The following AKR1C3 variants were observed in gnomAD, a reference collection of about 807,000 sequenced individuals.
The protein encoded by AKR1C3 is aldo-keto reductase family 1 member C3, also known as 3-alpha hydroxysteroid dehydrogenase, type II.
A neutral mutation model predicts 43.6 loss-of-function variants in AKR1C3; 48 were observed. That is an observed-to-expected ratio of 1.10 (90% confidence interval 0.87 to 1.40). AKR1C3 has a LOEUF of 1.40. AKR1C3 is among the 40% of genes most tolerant of loss of function. AKR1C3 has a pLI of 0.00. For missense variants in AKR1C3, 482 were observed against 391.2 expected (o/e 1.23, Z -1.96); for synonymous variants, 162 against 139.6 (o/e 1.16, Z -1.13).
At chr10:5,057,817 A>G (rs1490974292) in intron 1 of AKR1C3, among the ~76,000 whole-genome samples, 2 of 152,066 alleles carry the variant, frequency 1.3e-5, no homozygotes, top group Admixed American at 1.3e-4. Flanking sequence ...ACATATCTCC[A>G]AACTCTCGGG....
At chr10:5,075,650 G>T (rs150090738) in intron 1 of AKR1C3, among the ~76,000 whole-genome samples, 9 of 152,178 alleles carry the variant, frequency 5.9e-5, no homozygotes, top group Admixed American at 5.9e-4. Flanking sequence ...TGAGGTGGGC[G>T]AATCACCTGA....
intron 1 of AKR1C3, among the ~76,000 whole-genome samples, chr10:5,088,985 T>C (rs1400309769): frequency 6.6e-6 from 1 of 152,038 alleles, no homozygotes; most frequent in Non-Finnish European, 1.5e-5. Flanking sequence ...GAAGGGCTAG[T>C]CTAGTGGTGA....
rs370755464 is a variant in AKR1C3, at chr10:5,099,477, C to T, written c.570+28C>T. On this transcript the variant is annotated intron_variant, in intron 5 of 8. Transcript: ENST00000380554. ...GAGCTCCCTTGGCCTTCTCTCCTTT[C>T]GGTTCTTCATGCCCCCTCTTCCTGT... The T allele has an allele frequency of 1.2e-3, 2,001 of 1,614,000 alleles. 17 individuals carry two copies. In the South Asian group the frequency reaches 0.018, roughly 14 times the overall value.
intron 1 of AKR1C3, among the ~76,000 whole-genome samples, chr10:5,058,100 A>G (rs930072987): frequency 1.3e-5 from 2 of 151,872 alleles, no homozygotes. Flanking sequence ...GGTCCTTTGG[A>G]GATTTCTTTG....
chr10:5,050,972 T>C (rs1554778864), intron 1 of AKR1C3, among the ~76,000 whole-genome samples: 1 of 152,256 alleles, frequency 6.6e-6, no homozygotes, highest in African/African-American at 2.4e-5. Context: ...TTCTTCAAAG[T>C]AGGGCAGAAA....
intron 1 of AKR1C3, among the ~76,000 whole-genome samples, chr10:5,066,731 A>G (rs782163923): frequency 4.6e-5 from 7 of 152,190 alleles, no homozygotes; most frequent in Non-Finnish European, 7.3e-5. Context: ...CCTTCACTGA[A>G]TTTCCATAAT....
chr10:5,073,428 G>A (rs1000544125), intron 1 of AKR1C3, among the ~76,000 whole-genome samples: 3 of 152,120 alleles, frequency 2.0e-5, no homozygotes, highest in African/African-American at 7.2e-5. Context: ...GATCCCCATA[G>A]GCCCATAATT....
intron 1 of AKR1C3, among the ~76,000 whole-genome samples, chr10:5,050,177 G>A (rs1838124598): frequency 6.6e-6 from 1 of 152,186 alleles, no homozygotes; most frequent in Non-Finnish European, 1.5e-5. Flanking sequence ...TGTCAATTCG[G>A]TGTCTTTACT....
Position 5,107,454 on chromosome 10 carries a change from T to G in AKR1C3, c.930-7T>G. The G allele has an allele frequency of 6.4e-7, 1 of 1,552,814 alleles. No individual in the cohort carries two copies. The highest frequency in any genetic ancestry group is 8.9e-7 in the Non-Finnish European group (1 of 1,124,568). On this transcript the variant is annotated splice_polypyrimidine_tract_variant and splice_region_variant and intron_variant, in intron 8 of 8. Coordinates refer to ENST00000380554, the MANE Select transcript of AKR1C3 (RefSeq NM_003739.6). Reference sequence around the variant, plus strand: ...TGCATTTATATTATACATTATTCTCTTTTCAGTTTTGCTAGCCACCCTAAT... The same window carrying G: ...TGCATTTATATTATACATTATTCTCGTTTCAGTTTTGCTAGCCACCCTAAT...
At chr10:5,054,729 G>T (rs1345669085) in intron 1 of AKR1C3, among the ~76,000 whole-genome samples, 1 of 151,496 alleles carries the variant, frequency 6.6e-6, no homozygotes, top group East Asian at 1.9e-4. Flanking sequence ...CTTTGACTCT[G>T]TTTCCTCTCT....
chr10:5,098,244 C>A, intron 3 of AKR1C3: 1 of 942,614 alleles, frequency 1.1e-6, no homozygotes, highest in Non-Finnish European at 1.3e-6. Context: ...ATTCTTATCT[C>A]TAAACTCCAA....
chr10:5,063,783 A>AAAAAAAAAAAAAAAAAAG (rs1838433987), intron 1 of AKR1C3, among the ~76,000 whole-genome samples: 1 of 147,346 alleles, frequency 6.8e-6, no homozygotes, highest in Non-Finnish European at 1.5e-5. Context: ...AAAAAAAAAA[A>AAAAAAAAAAAAAAAAAAG]AAAAAAGGAA....
intron 1 of AKR1C3, among the ~76,000 whole-genome samples, chr10:5,075,964 T>G (rs1410402045): frequency 2.6e-5 from 4 of 152,122 alleles, no homozygotes; most frequent in African/African-American, 9.7e-5. Flanking sequence ...CACAGGTTGC[T>G]GGGGCTAAGA....
rs587746088 is a variant in AKR1C3 at position 5,105,758 on chromosome 10, C to G, written c.929+81C>G. The G allele has an allele frequency of 1.2e-4, 136 of 1,100,074 alleles. 1 individual carries two copies. The African/African-American group carries it at 1.8e-3, about 15-fold the overall frequency. The allele number at this position is 1,100,074 out of a possible 1,614,324, so 68.1% of individuals were successfully genotyped here. ...ATGGGTGTTGAGAGTGACCTCCATA[C>G]CAGAGGGACAGAGGCCAATGTGAGT... On this transcript the variant is annotated intron_variant, in intron 8 of 8. Coordinates refer to ENST00000380554, the MANE Select transcript of AKR1C3 (RefSeq NM_003739.6).
rs553305556 is a variant in AKR1C3, at chr10:5,082,090, T to C, written c.85-14320T>C. ...ATTCTCTGGATGATTCTGCCTTAAA[T>C]AGAGGGAGTTTTACTGTCTAGATTG... On this transcript the variant is annotated intron_variant, in intron 1 of 8. Transcript: ENST00000439082. Among the ~76,000 whole-genome samples the C allele has an allele frequency of 5.7e-4, 87 of 152,274 alleles. No homozygotes were observed. In the South Asian group the frequency reaches 0.018, roughly 31 times the overall value.
At chr10:5,081,890 G>C (rs1554782388) in intron 1 of AKR1C3, 1 of 152,188 alleles carries the variant, frequency 6.6e-6, no homozygotes, top group South Asian at 2.1e-4. Context: ...AAACCAGTGA[G>C]CTCCTGATTT....
intron 1 of AKR1C3, among the ~76,000 whole-genome samples, chr10:5,059,964 G>T (rs1554780045): frequency 1.3e-5 from 2 of 152,094 alleles, no homozygotes; most frequent in African/African-American, 4.8e-5. Flanking sequence ...CTGATGTTTG[G>T]ATGTGTTTGG....
intron 1 of AKR1C3, among the ~76,000 whole-genome samples, chr10:5,087,657 G>T (rs1839000341): frequency 6.6e-6 from 1 of 151,972 alleles, no homozygotes; most frequent in South Asian, 2.1e-4. Flanking sequence ...ACAGACGTAA[G>T]CCACTTTGTC....
At chr10:5,064,526 C>G (rs1838454431) in intron 1 of AKR1C3, among the ~76,000 whole-genome samples, 1 of 152,052 alleles carries the variant, frequency 6.6e-6, no homozygotes, top group Non-Finnish European at 1.5e-5. Context: ...ACAGAAAAGA[C>G]AAGTGGGACC....
Sources: allele counts gnomAD v4.1 joint callset (sites outside exome capture counted in the v4.1 genomes callset), GRCh38; gene constraint gnomAD v4.1.1; transcripts MANE v1.5; gene names NCBI Gene and HGNC (gene_info 2026-07-23, HGNC 2026-07-21).